WDR64: variants seen among roughly 807,000 people sequenced by gnomAD.
WDR64 encodes WD repeat domain 64.
In WDR64, 112 loss-of-function variants were observed where a neutral mutation model predicts 139.3. That is an observed-to-expected ratio of 0.80 (90% CI 0.69 to 0.94). WDR64 has a LOEUF of 0.94. WDR64 is among the 40% of genes least tolerant of loss of function. The pLI is 0.00. For missense variants in WDR64, 1,206 were observed against 1,293.1 expected, an observed-to-expected ratio of 0.93 and a Z score of 1.03; for synonymous variants, 444 against 437.7, an observed-to-expected ratio of 1.01 and a Z score of -0.18.
intron 23 of WDR64, among the ~76,000 whole-genome samples, chr1:241,784,958 A>AAAAAAAAAAAAG (rs1658984584): frequency 1.0e-5 from 1 of 99,480 alleles, no homozygotes; most frequent in Non-Finnish European, 2.2e-5. Flanking sequence ...TGTCTGAAAA[A>AAAAAAAAAAAAG]AAAAAAAAAA....
In WDR64 at chr1:241,723,327, C is replaced by A; in HGVS notation, c.1085C>A (p.Pro362His). The A allele has an allele frequency of 3.1e-6, 5 of 1,613,864 alleles. No individual in the cohort carries two copies. Among genetic ancestry groups the A allele is most frequent in the African/African-American group, 1.3e-5 (1 of 74,990 alleles). Residue 362 changes from proline to histidine, a missense_variant, in exon 10 of 28, where the codon CCC (proline) becomes CAC (histidine). Transcript: ENST00000437684. ...GATAAGGTCATCCGGTTGTGGCACC[C>A]CAATATCAGCACCAAGCCAGTAGGG... Reference protein sequence around the residue: ...GDDKVIRLWHPNISTKPVGKL... With the variant: ...GDDKVIRLWHHNISTKPVGKL...
At position 241,703,721 on chromosome 1, in the gene WDR64, A is replaced by T. The variant is rs1315169517; in HGVS notation, c.975-8081A>T. 6.6e-6 allele frequency among the ~76,000 whole-genome samples: 1 copy of T among 152,164 alleles called. No homozygotes were observed. Among genetic ancestry groups the T allele is most frequent in the African/African-American group, 2.4e-5 (1 of 41,442 alleles). On this transcript the variant is annotated intron_variant, in intron 8 of 27. Transcript: ENST00000437684. The surrounding 1 kb of genome is among the most constrained non-coding windows in gnomAD (Gnocchi z 5.9). ...ATTTTCACACTGCTATAAAGATACT[A>T]TCTGAGACTCAATAATTTGTAAAGG...
At position 241,721,402 on chromosome 1, in the gene WDR64, A is replaced by G. The variant is rs1668604646; in HGVS notation, c.1055-1895A>G. On this transcript the variant is annotated intron_variant, in intron 9 of 27. Transcript: ENST00000437684. ...TATGACTGTTAATAATTTAGGTTATACATAAATTATAACTTAGGTTATAAC... is the reference window on the plus strand; with the variant it reads ...TATGACTGTTAATAATTTAGGTTATGCATAAATTATAACTTAGGTTATAAC... Among the ~76,000 whole-genome samples, 3 of 152,214 alleles carry G rather than the reference A, an allele frequency of 2.0e-5. No individual in the cohort carries two copies. In the South Asian group the frequency reaches 6.2e-4, roughly 31 times the overall value.
At chr1:241,762,481 T>C (rs1657960898) in intron 15 of WDR64, among the ~76,000 whole-genome samples, 1 of 152,166 alleles carries the variant, frequency 6.6e-6, no homozygotes, top group South Asian at 2.1e-4. Context: ...GAATAGAGAA[T>C]AAGAAAACTG....
chr1:241,680,790 A>G (rs373733002), intron 6 of WDR64, among the ~76,000 whole-genome samples: 551 of 35,140 alleles, frequency 0.016, 6 homozygotes, highest in African/African-American at 0.038. Flanking sequence ...GGTCTGCAGT[A>G]GCTTCCATCA....
At position 241,661,902 on chromosome 1, in the gene WDR64, C is replaced by T. The variant is rs116041889; in HGVS notation, c.276+1242C>T. Among the ~76,000 whole-genome samples the T allele has an allele frequency of 9.4e-3, 1,430 of 152,328 alleles. 17 individuals are homozygous for T. Among genetic ancestry groups the T allele is most frequent in the Middle Eastern group, 0.017 (5 of 294 alleles). ...CAATGCTCACTCATTCACAAACTGG[C>T]CACGGTTGCTTCTGTGCTACAATAG... On this transcript the variant is annotated intron_variant, in intron 2 of 27. Transcript: ENST00000437684.
intron 4 of WDR64, among the ~76,000 whole-genome samples, chr1:241,675,760 C>T (rs1394627386): frequency 1.3e-5 from 2 of 152,194 alleles, no homozygotes; most frequent in Non-Finnish European, 2.9e-5. Context: ...AAAACCTGTC[C>T]TCCCTCAAAG....
chr1:241,797,647 TTCA>T (rs972038075), intron 27 of WDR64, among the ~76,000 whole-genome samples: 9 of 152,336 alleles, frequency 5.9e-5, no homozygotes, highest in African/African-American at 1.4e-4. Flanking sequence ...ATAATTTCTG[TTCA>T]TCATCAACTC....
intron 21 of WDR64, among the ~76,000 whole-genome samples, chr1:241,776,220 A>G (rs886836344): frequency 6.6e-6 from 1 of 151,986 alleles, no homozygotes; most frequent in African/African-American, 2.4e-5. Flanking sequence ...CTGGGACTAC[A>G]GGCATGCACC....
chr1:241,723,152 C>A, intron 9 of WDR64, 145 bp from the exon 10 acceptor site: 1 of 1,056,886 alleles, frequency 9.5e-7, no homozygotes, highest in South Asian at 1.8e-5. Context: ...CCCCTTAGCA[C>A]ATCAATCACA....
intron 9 of WDR64, among the ~76,000 whole-genome samples, chr1:241,713,413 GGGAAGGAAGGGAA>G (rs1192977902): frequency 9.1e-6 from 1 of 109,812 alleles, no homozygotes; most frequent in Non-Finnish European, 2.0e-5. Context: ...GAGGGAGGAA[GGGAAGGAAGGGAA>G]GGAAGGAAGG....
rs372166998 is a variant in WDR64, at chr1:241,744,360, C to T, written c.1471-33C>T. On this transcript the variant is annotated intron_variant, in intron 12 of 27. Coordinates refer to ENST00000437684, the MANE Select transcript of WDR64 (RefSeq NM_001367482.1). The stretch of plus-strand genomic sequence containing the variant: ...ATGAGAATTGAAGGGCTTCTTCAAA[C>T]GGATTACTTGATATTTTCGTTCTTT... The T allele has an allele frequency of 5.5e-5, 88 of 1,611,060 alleles. 1 individual carries two copies. In the Middle Eastern group the frequency reaches 1.3e-3, roughly 24 times the overall value.
intron 10 of WDR64, among the ~76,000 whole-genome samples, chr1:241,730,300 G>A (rs148848177): frequency 6.6e-5 from 10 of 152,294 alleles, no homozygotes; most frequent in African/African-American, 2.4e-4. Context: ...AGACCAGGAA[G>A]CAGTCCCTAT....
intron 1 of WDR64, among the ~76,000 whole-genome samples, chr1:241,658,052 T>C (rs1014365525): frequency 4.6e-5 from 7 of 152,236 alleles, no homozygotes; most frequent in African/African-American, 1.7e-4. Context: ...TTTCCTGCTA[T>C]AATATAAGCT....
intron 2 of WDR64, among the ~76,000 whole-genome samples, chr1:241,661,684 G>A (rs1665838985): frequency 6.6e-6 from 1 of 152,072 alleles, no homozygotes; most frequent in African/African-American, 2.4e-5. Context: ...TGCAGTGCAG[G>A]ATTCAAGTAC....
At chr1:241,724,391 G>C (rs1228298883) in intron 10 of WDR64, among the ~76,000 whole-genome samples, 1 of 151,798 alleles carries the variant, frequency 6.6e-6, no homozygotes, top group Non-Finnish European at 1.5e-5. Flanking sequence ...AAATAAAACA[G>C]AGCAATAGTC....
At chr1:241,718,757 T>C (rs906772668) in intron 9 of WDR64, among the ~76,000 whole-genome samples, 1 of 152,128 alleles carries the variant, frequency 6.6e-6, no homozygotes, top group Non-Finnish European at 1.5e-5. Context: ...GGTGCCAGCA[T>C]TGTCAGTTTC....
intron 2 of WDR64, among the ~76,000 whole-genome samples, chr1:241,664,787 G>A (rs1465337423): frequency 6.6e-6 from 1 of 152,030 alleles, no homozygotes; most frequent in Non-Finnish European, 1.5e-5. Flanking sequence ...TTATTGAAAT[G>A]ATAAAGATGA....
At chr1:241,729,677 T>A (rs1015537526) in intron 10 of WDR64, among the ~76,000 whole-genome samples, 1 of 152,186 alleles carries the variant, frequency 6.6e-6, no homozygotes, top group African/African-American at 2.4e-5. Context: ...AAAATTGAGT[T>A]TTTTTTCCTT....
Sources: gnomAD v4.1 joint callset for allele counts (sites outside exome capture counted in the v4.1 genomes callset) on GRCh38, gnomAD v4.1.1 for gene constraint, Gnocchi (gnomAD v3.1) non-coding constraint, MANE v1.5 for transcripts, NCBI Gene and HGNC (gene_info 2026-07-23, HGNC 2026-07-21) for gene names.